The following CWC22 variants were observed in gnomAD, a reference collection of about 807,000 sequenced individuals.
The protein encoded by CWC22 is pre-mRNA-splicing factor CWC22 homolog.
A neutral mutation model predicts 117.2 loss-of-function variants in CWC22; 53 were observed. The observed-to-expected ratio is 0.45, with a 90% CI of 0.36 to 0.57. CWC22 has a LOEUF of 0.57. Among genes scored for constraint, CWC22 ranks in the 20% least tolerant of loss-of-function variants. The pLI is 0.00. For missense variants in CWC22, 980 were observed against 1,068.8 expected, an observed-to-expected ratio of 0.92 and a Z score of 1.16; for synonymous variants, 360 against 355.6, an observed-to-expected ratio of 1.01 and a Z score of -0.14.
chr2:179,945,411 C>T lies in CWC22; in HGVS notation c.2445G>A (p.Lys815=), dbSNP rs761263052. 1 of 1,613,312 alleles carries T rather than the reference C, an allele frequency of 6.2e-7. No homozygotes were observed. The highest frequency in any genetic ancestry group is 8.5e-7 in the Non-Finnish European group (1 of 1,179,622). ...CTCTCTTCTTTTTGGGATCACCATG[C>T]TTATTTTCCAAATCTATATGCATTT... ...DQEMHIDLEN[K]HGDPKKKRGE... Residue 815 remains lysine (K), a synonymous_variant, in exon 20 of 20, where the codon AAG becomes AAA. Transcript: ENST00000410053.
chr2:179,968,443 A>T (rs2105525225), intron 11 of CWC22, among the ~76,000 whole-genome samples: 1 of 152,274 alleles, frequency 6.6e-6, no homozygotes, highest in South Asian at 2.1e-4. Flanking sequence ...AGAAACAGAT[A>T]TGAGAGTCCA....
intron 14 of CWC22, among the ~76,000 whole-genome samples, chr2:179,955,369 G>A (rs937247644): frequency 3.9e-5 from 6 of 152,026 alleles, no homozygotes; most frequent in African/African-American, 1.4e-4. Flanking sequence ...AGGATTCTAT[G>A]CAGAATTCTT....
At chr2:179,950,409 A>C in intron 19 of CWC22, 103 bp downstream of exon 19, 1 of 720,030 alleles carries the variant, frequency 1.4e-6, no homozygotes, top group Non-Finnish European at 2.3e-6. Context: ...TAAACAACTG[A>C]TCTCTAAGAC....
chr2:179,945,029 C>A lies in CWC22; in HGVS notation c.*100G>T. On this transcript the variant is annotated 3_prime_UTR_variant, in exon 20 of 20. Coordinates refer to ENST00000410053, the MANE Select transcript of CWC22 (RefSeq NM_020943.3). ...ATTTTTTAAATTTACAAATACAAAC[C>A]AATACTTTATACAAGAATTCTCTAT... 3 of 773,204 alleles carry A rather than the reference C, an allele frequency of 3.9e-6. No homozygotes were observed. The highest frequency in any genetic ancestry group is 5.9e-6 in the Non-Finnish European group (3 of 507,608). 47.9% of individuals were successfully genotyped at this position (773,204 alleles called of 1,614,324 possible). A position where few individuals can be genotyped will look rare whatever the true frequency, so the allele number is the denominator to read the frequency against.
chr2:179,985,194 C>A (rs1196010718), intron 4 of CWC22, among the ~76,000 whole-genome samples: 2 of 151,972 alleles, frequency 1.3e-5, no homozygotes, highest in Admixed American at 6.6e-5. Flanking sequence ...TGCAACACCA[C>A]CTCATTAAAA....
chr2:179,945,720 G>C lies in CWC22; in HGVS notation c.2141-5C>G, dbSNP rs139376109. 21 of 1,499,464 alleles carry C rather than the reference G, an allele frequency of 1.4e-5. No homozygotes were observed. The highest frequency in any genetic ancestry group is 1.9e-5 in the Non-Finnish European group (21 of 1,104,692). The allele number at this position is 1,499,464 out of a possible 1,614,324, so 92.9% of individuals were successfully genotyped here. On this transcript the variant is annotated splice_region_variant and splice_polypyrimidine_tract_variant and intron_variant, in intron 19 of 19. Transcript: ENST00000410053. ...CCTTCTTTCTTACATCATTAGCTGCGTGTGTAAAATAAAAGACAGTTAGCT... is the reference window on the plus strand; with the variant it reads ...CCTTCTTTCTTACATCATTAGCTGCCTGTGTAAAATAAAAGACAGTTAGCT...
intron 19 of CWC22, among the ~76,000 whole-genome samples, chr2:179,947,396 C>A (rs1686337732): frequency 6.6e-6 from 1 of 152,174 alleles, no homozygotes; most frequent in Admixed American, 6.5e-5. Context: ...TAAAACCCAG[C>A]CATGTAACAA....
chr2:179,983,827 C>A (rs1687347720), intron 4 of CWC22, among the ~76,000 whole-genome samples: 3 of 152,096 alleles, frequency 2.0e-5, no homozygotes, highest in African/African-American at 7.2e-5. Flanking sequence ...TGAATTGCTT[C>A]TTCTTGTGAA....
chr2:179,959,183 A>G (rs999136729), intron 13 of CWC22, 101 bp from the exon 14 acceptor site: 4 of 749,690 alleles, frequency 5.3e-6, no homozygotes, highest in Non-Finnish European at 8.9e-6. Flanking sequence ...CATCTTTTTT[A>G]ACTGTAATTT....
chr2:179,958,420 C>G (rs1209034991), intron 14 of CWC22, among the ~76,000 whole-genome samples: 1 of 150,428 alleles, frequency 6.6e-6, no homozygotes, highest in African/African-American at 2.4e-5. Flanking sequence ...TGATCTTTAT[C>G]TTTTCTACTG....
intron 1 of CWC22, among the ~76,000 whole-genome samples, chr2:180,002,003 G>A (rs911050606): frequency 2.0e-5 from 3 of 152,128 alleles, no homozygotes; most frequent in African/African-American, 4.8e-5. Context: ...CATATTATCT[G>A]TGGAAGATCA....
chr2:179,985,156 G>A (rs1330339562), intron 4 of CWC22, among the ~76,000 whole-genome samples: 1 of 151,930 alleles, frequency 6.6e-6, no homozygotes, highest in South Asian at 2.1e-4. Flanking sequence ...TAATCTGCAT[G>A]AATATGGAAT....
At chr2:180,004,698 T>TC (rs1210824938) in intron 1 of CWC22, among the ~76,000 whole-genome samples, 3 of 28,154 alleles carry the variant, frequency 1.1e-4, no homozygotes, top group Non-Finnish European at 1.6e-4. Flanking sequence ...CTCGCCCCCC[T>TC]CCCCCCCAGG....
chr2:179,948,203 A>G (rs1686357778), intron 19 of CWC22, among the ~76,000 whole-genome samples: 1 of 152,220 alleles, frequency 6.6e-6, no homozygotes, highest in Non-Finnish European at 1.5e-5. Flanking sequence ...TGCCAAAGCT[A>G]AGATGATTTG....
chr2:179,987,432 T>C (rs763656282), intron 3 of CWC22, among the ~76,000 whole-genome samples: 27 of 152,120 alleles, frequency 1.8e-4, no homozygotes, highest in Non-Finnish European at 3.7e-4. Flanking sequence ...TATATACACA[T>C]CTACAATTAA....
intron 5 of CWC22, among the ~76,000 whole-genome samples, chr2:179,980,758 C>T (rs1687265895): frequency 6.6e-6 from 1 of 152,248 alleles, no homozygotes; most frequent in East Asian, 1.9e-4. Flanking sequence ...TACTAAAACA[C>T]TCATGAAAAG....
At chr2:179,997,218 A>G (rs1364891371) in intron 1 of CWC22, among the ~76,000 whole-genome samples, 2 of 152,084 alleles carry the variant, frequency 1.3e-5, no homozygotes, top group African/African-American at 2.4e-5. Flanking sequence ...ATGGATCTAC[A>G]CTATGCAAGG....
At chr2:179,988,158 G>T (rs1368717693) in intron 3 of CWC22, among the ~76,000 whole-genome samples, 1 of 152,198 alleles carries the variant, frequency 6.6e-6, no homozygotes, top group Non-Finnish European at 1.5e-5. Context: ...CTGCTGTGTG[G>T]CCTGGTCCAT....
chr2:179,980,003 T>C (rs893646927), intron 5 of CWC22, among the ~76,000 whole-genome samples: 2 of 152,224 alleles, frequency 1.3e-5, no homozygotes, highest in African/African-American at 2.4e-5. Flanking sequence ...TTCAACTGTA[T>C]ATAAAATTAT....
Sources: gnomAD v4.1 joint callset for allele counts (sites outside exome capture counted in the v4.1 genomes callset) on GRCh38, gnomAD v4.1.1 for gene constraint, MANE v1.5 for transcripts, NCBI Gene and HGNC (gene_info 2026-07-23, HGNC 2026-07-21) for gene names.